Variants in SLC35A5 observed in about 807,000 individuals in gnomAD.
SLC35A5 encodes solute carrier family 35 member A5, also known as UDP-sugar transporter protein SLC35A5.
A neutral mutation model predicts 36.3 loss-of-function variants in SLC35A5; 28 were observed. The ratio of observed to expected loss-of-function variants is 0.77; its 90% CI spans 0.57 to 1.06. The LOEUF (loss-of-function observed/expected upper bound fraction) is 1.06, where lower values mean the gene tolerates loss of function less well. SLC35A5 is among the 50% of genes least tolerant of loss of function. The probability of loss-of-function intolerance (pLI) is 0.00; values close to 1 mark genes in which losing one functional copy is unlikely to be tolerated. For missense variants in SLC35A5, 521 were observed against 499.3 expected (o/e 1.04, Z -0.41); for synonymous variants, 180 against 173.7 (o/e 1.04, Z -0.29).
rs1935013858 is a variant in SLC35A5 at position 112,583,251 on chromosome 3, T to TA, written c.*516dup. ...AAAAACGTTGGTTGAAGGACCTAAA[T>TA]ACCTGGCCATACCATAGATTTGGGA... is the stretch of plus-strand genomic sequence containing the variant. On this transcript the variant is annotated 3_prime_UTR_variant, in exon 7 of 7. Transcript: ENST00000492406. 1 of 396,284 alleles carries TA rather than the reference T, an allele frequency of 2.5e-6. No individual in the cohort carries two copies. Among genetic ancestry groups the TA allele is most frequent in the Non-Finnish European group, 4.4e-6 (1 of 224,870 alleles). The allele number at this position is 396,284 out of a possible 1,614,324, so 24.5% of individuals were successfully genotyped here.
At chr3:112,568,689 C>T (rs891418265) in intron 2 of SLC35A5, among the ~76,000 whole-genome samples, 1 of 152,046 alleles carries the variant, frequency 6.6e-6, no homozygotes, top group Admixed American at 6.6e-5. Flanking sequence ...CTGTGTGTAC[C>T]GTGATATAAA....
chr3:112,578,192 CTA>C (rs1934751342), intron 5 of SLC35A5, among the ~76,000 whole-genome samples: 1 of 152,144 alleles, frequency 6.6e-6, no homozygotes, highest in Non-Finnish European at 1.5e-5. Flanking sequence ...CTTAGCTCAC[CTA>C]TATGTTATTA....
At chr3:112,577,858 C>T (rs1044228782) in intron 5 of SLC35A5, among the ~76,000 whole-genome samples, 2 of 152,060 alleles carry the variant, frequency 1.3e-5, no homozygotes, top group African/African-American at 4.8e-5. Flanking sequence ...ATAAATCTGC[C>T]CCTTGTCACT....
chr3:112,581,417 G>T, intron 6 of SLC35A5, 91 bp downstream of exon 6: 1 of 1,263,300 alleles, frequency 7.9e-7, no homozygotes, highest in Non-Finnish European at 1.1e-6. Context: ...GTACTGATTT[G>T]TCAAAGAATG....
chr3:112,584,201 C>T lies in SLC35A5; in HGVS notation c.*1465C>T, dbSNP rs908884094. The T allele has an allele frequency of 6.6e-6, 1 of 152,124 alleles. No homozygotes were observed. Among genetic ancestry groups the T allele is most frequent in the Non-Finnish European group, 1.5e-5 (1 of 68,016 alleles). The allele number at this position is 152,124 out of a possible 1,614,324, so 9.4% of individuals were successfully genotyped here. On this transcript the variant is annotated 3_prime_UTR_variant, in exon 7 of 7. Transcript: ENST00000492406. The stretch of plus-strand genomic sequence containing the variant: ...GTCATTTAGGGTGGGATGTAGAGTA[C>T]TTTTAATCTTAAAAAATAGAGTGAG...
At chr3:112,574,001 A>G (rs1389078341) in intron 5 of SLC35A5, 45 bp downstream of exon 5, 1 of 1,506,362 alleles carries the variant, frequency 6.6e-7, no homozygotes, top group Non-Finnish European at 9.2e-7. Flanking sequence ...TTAAAATAAC[A>G]TAGCCCGGTT....
In SLC35A5 at chr3:112,562,230, G is replaced by A. The variant is rs1051148959; in HGVS notation, c.-63G>A. Reference sequence around the variant, plus strand: ...ACGGGGCTAGACAGTTACTGTCTCAGCTCTAGGATGTGCGTTCTTCCACTA... The same window carrying A: ...ACGGGGCTAGACAGTTACTGTCTCAACTCTAGGATGTGCGTTCTTCCACTA... On this transcript the variant is annotated 5_prime_UTR_variant, in exon 1 of 7. Transcript: ENST00000492406. The A allele has an allele frequency of 6.6e-6, 1 of 152,550 alleles. No homozygotes were observed. Among genetic ancestry groups the A allele is most frequent in the Non-Finnish European group, 1.5e-5 (1 of 68,122 alleles). 9.4% of individuals were successfully genotyped at this position (152,550 alleles called of 1,614,324 possible).
chr3:112,569,275 T>C lies in SLC35A5; in HGVS notation c.229+6T>C. On this transcript the variant is annotated splice_donor_region_variant and intron_variant, in intron 3 of 6. Transcript: ENST00000492406. ...ATTCTGTGTTATAAAGAAAGGTAAG[T>C]CTTGAAATGGTACTATATACTTGTT... 6.2e-7 allele frequency: 1 copy of C among 1,610,838 alleles called. No individual in the cohort carries two copies. The highest frequency in any genetic ancestry group is 8.5e-7 in the Non-Finnish European group (1 of 1,177,398).
At chr3:112,567,860 C>A (rs1934268918) in intron 2 of SLC35A5, among the ~76,000 whole-genome samples, 1 of 152,188 alleles carries the variant, frequency 6.6e-6, no homozygotes. Context: ...CAAAGTCCCC[C>A]CTTCTTATAT....
chr3:112,577,954 C>T (rs1367605208), intron 5 of SLC35A5, among the ~76,000 whole-genome samples: 1 of 152,170 alleles, frequency 6.6e-6, no homozygotes, highest in African/African-American at 2.4e-5. Context: ...TCTTCATACC[C>T]TGCACTAGTT....
intron 2 of SLC35A5, among the ~76,000 whole-genome samples, chr3:112,568,195 G>T (rs1223711367): frequency 6.6e-6 from 1 of 152,182 alleles, no homozygotes; most frequent in Non-Finnish European, 1.5e-5. Context: ...GATGAATAAA[G>T]AATTGATTCT....
intron 6 of SLC35A5, among the ~76,000 whole-genome samples, 155 bp downstream of exon 6, chr3:112,581,481 A>T (rs1297698106): frequency 6.6e-6 from 1 of 152,198 alleles, no homozygotes; most frequent in Non-Finnish European, 1.5e-5. Flanking sequence ...TTTACTCCTG[A>T]TGTTTGCAAG....
chr3:112,573,774 A>G (rs1357180170), intron 4 of SLC35A5, 115 bp from the exon 5 acceptor site: 10 of 752,334 alleles, frequency 1.3e-5, no homozygotes, highest in Admixed American at 1.1e-4. Context: ...CTACCTTAAT[A>G]ACCCCTCTGT....
In SLC35A5 at chr3:112,583,142, A is replaced by G. The variant is rs767267360; in HGVS notation, c.*406A>G. On this transcript the variant is annotated 3_prime_UTR_variant, in exon 7 of 7. Transcript: ENST00000492406. ...TACATGCCAAAGTCTTCCCTTTTTA[A>G]CATTATAAAAGCTAGGTTGTCTCTT... is the stretch of plus-strand genomic sequence containing the variant. 1 of 398,862 alleles carries G rather than the reference A, an allele frequency of 2.5e-6. No individual in the cohort carries two copies. Among genetic ancestry groups the G allele is most frequent in the Non-Finnish European group, 4.4e-6 (1 of 226,390 alleles). 24.7% of individuals were successfully genotyped at this position (398,862 alleles called of 1,614,324 possible). A position where few individuals can be genotyped will look rare whatever the true frequency, so the allele number is the denominator to read the frequency against.
At chr3:112,572,499 T>A (rs1934492174) in intron 4 of SLC35A5, among the ~76,000 whole-genome samples, 1 of 152,204 alleles carries the variant, frequency 6.6e-6, no homozygotes, top group African/African-American at 2.4e-5. Context: ...ATTATGCAAA[T>A]TCAATACATT....
chr3:112,569,104 G>C (rs1934320340), intron 2 of SLC35A5, 67 bp from the exon 3 acceptor site: 1 of 1,267,460 alleles, frequency 7.9e-7, no homozygotes, highest in Admixed American at 1.9e-5. Context: ...AAACAATTAT[G>C]TTATACTGTA....
intron 5 of SLC35A5, among the ~76,000 whole-genome samples, chr3:112,574,269 C>CT (rs767273704): frequency 1.3e-5 from 2 of 152,160 alleles, no homozygotes; most frequent in Non-Finnish European, 2.9e-5. Context: ...TATGCAAAAT[C>CT]TTTCTGCACT....
rs554956272 is a variant in SLC35A5, at chr3:112,569,879, A to T, written c.229+610A>T. Reference sequence around the variant, plus strand: ...TCATATACCTTCACACATGAGGTAAACGTAAACTTTAGAGCATTGAAGTGT... The same window carrying T: ...TCATATACCTTCACACATGAGGTAATCGTAAACTTTAGAGCATTGAAGTGT... On this transcript the variant is annotated intron_variant, in intron 3 of 6. Coordinates refer to ENST00000492406, the MANE Select transcript of SLC35A5 (RefSeq NM_017945.5). 5.2e-4 allele frequency among the ~76,000 whole-genome samples: 79 copies of T among 152,302 alleles called. 1 individual carries two copies. The highest frequency in any genetic ancestry group is 1.8e-3 in the African/African-American group (74 of 41,558).
At chr3:112,581,371 T>G (rs554448585) in intron 6 of SLC35A5, 45 bp downstream of exon 6, 65 of 1,516,966 alleles carry the variant, frequency 4.3e-5, no homozygotes, top group Non-Finnish European at 5.7e-5. Flanking sequence ...TTCCCAAATT[T>G]AAAGCATAGT....
Sources: allele counts gnomAD v4.1 joint callset (sites outside exome capture counted in the v4.1 genomes callset), GRCh38; gene constraint gnomAD v4.1.1; transcripts MANE v1.5; gene names NCBI Gene and HGNC (gene_info 2026-07-23, HGNC 2026-07-21).